Variants in ACAD8 observed in about 807,000 individuals in gnomAD.
ACAD8 encodes isobutyryl-CoA dehydrogenase, mitochondrial.
ACAD8 carries 47 observed loss-of-function variants against 53.1 expected under a neutral mutation model. That is an observed-to-expected ratio of 0.89 (90% CI 0.70 to 1.13). The LOEUF (loss-of-function observed/expected upper bound fraction) is 1.13, where lower values mean the gene tolerates loss of function less well. Among genes scored for constraint, ACAD8 ranks in the 50% most tolerant of loss-of-function variants. The pLI is 0.00. For missense variants in ACAD8, 494 were observed against 535.0 expected (o/e 0.92, Z 0.76); for synonymous variants, 198 against 201.3 (o/e 0.98, Z 0.14).
chr11:134,263,041 C>T, intron 10 of ACAD8: 3 of 1,178,640 alleles, frequency 2.5e-6, no homozygotes, highest in Non-Finnish European at 3.2e-6. Flanking sequence ...AGCCAGATGG[C>T]CTAAAAGATA....
Position 134,261,416 on chromosome 11 carries a change from C to G in ACAD8, c.939+44C>G. 2 of 1,599,446 alleles carry G rather than the reference C, an allele frequency of 1.3e-6. No homozygotes were observed. The highest frequency in any genetic ancestry group is 1.7e-6 in the Non-Finnish European group (2 of 1,166,802). On this transcript the variant is annotated intron_variant, in intron 8 of 10. Transcript: ENST00000281182. The surrounding 1 kb of genome is among the most constrained non-coding windows in gnomAD (Gnocchi z 4.2). ...CCACATGGCTTTGCACTATTTGCAG[C>G]CCGGGACCTGCTCTAGGGCCCACAT... is the stretch of plus-strand genomic sequence containing the variant.
chr11:134,262,272 G>A (rs756267511), intron 9 of ACAD8: 3 of 659,780 alleles, frequency 4.5e-6, no homozygotes, highest in Admixed American at 4.1e-5. Flanking sequence ...GCTTCTGCCT[G>A]GCAGGTAATA....
Position 134,259,165 on chromosome 11 carries a change from C to T in ACAD8, c.567+81C>T, listed in dbSNP as rs763496204. 1.5e-4 allele frequency: 182 copies of T among 1,242,056 alleles called. No individual in the cohort carries two copies. The South Asian group carries it at 1.6e-3, about 11-fold the overall frequency. The allele number at this position is 1,242,056 out of a possible 1,614,324, so 76.9% of individuals were successfully genotyped here. A position where few individuals can be genotyped will look rare whatever the true frequency, so the allele number is the denominator to read the frequency against. Reference sequence around the variant, plus strand: ...ACATCCTCTGGTTCCTTCACATCCGCGGGTTAATACTCCCATAGGATTTTT... The same window carrying T: ...ACATCCTCTGGTTCCTTCACATCCGTGGGTTAATACTCCCATAGGATTTTT... On this transcript the variant is annotated intron_variant, in intron 5 of 10. Coordinates refer to ENST00000281182, the MANE Select transcript of ACAD8 (RefSeq NM_014384.3).
At chr11:134,260,808 G>A in intron 6 of ACAD8, 1 of 555,106 alleles carries the variant, frequency 1.8e-6, no homozygotes, top group South Asian at 2.0e-5. Flanking sequence ...GGTTAGTCAG[G>A]TAGAGTAGAC....
At position 134,253,770 on chromosome 11, in the gene ACAD8, C is replaced by T. The variant is rs1282570437; in HGVS notation, c.109+61C>T. 4.1e-6 allele frequency: 6 copies of T among 1,474,250 alleles called. No homozygotes were observed. The East Asian group carries it at 1.5e-4, about 36-fold the overall frequency. The allele number at this position is 1,474,250 out of a possible 1,614,324, so 91.3% of individuals were successfully genotyped here. On this transcript the variant is annotated intron_variant, in intron 1 of 10. Coordinates refer to ENST00000281182, the MANE Select transcript of ACAD8 (RefSeq NM_014384.3). Reference sequence around the variant, plus strand: ...CAGAACCCCGGCGGACATATGTCCGCGAGGGGCTGCAGTCTCCCCGTTCCA... The same window carrying T: ...CAGAACCCCGGCGGACATATGTCCGTGAGGGGCTGCAGTCTCCCCGTTCCA...
intron 1 of ACAD8, among the ~76,000 whole-genome samples, chr11:134,254,874 C>CT: frequency 6.6e-6 from 1 of 152,328 alleles, no homozygotes; most frequent in African/African-American, 2.4e-5. Context: ...TTGAACTCTG[C>CT]TAGTAACTGG....
Position 134,262,555 on chromosome 11 carries a change from C to T in ACAD8, c.1128C>T (p.Tyr376=), listed in dbSNP as rs374692738. The stretch of plus-strand genomic sequence containing the variant: ...AGGCCTTGCAGATGCACGGGGGCTA[C>T]GGCTACCTGAAGGATTACGCTGTTC... ...CNQALQMHGG[Y]GYLKDYAVQQ... is the part of the protein sequence containing the mutation. Residue 376 remains tyrosine, a synonymous_variant, in exon 10 of 11, where the codon TAC becomes TAT. Coordinates refer to ENST00000281182, the MANE Select transcript of ACAD8 (RefSeq NM_014384.3). The T allele has an allele frequency of 4.5e-5, 73 of 1,613,856 alleles. No homozygotes were observed. The highest frequency in any genetic ancestry group is 1.6e-4 in the African/African-American group (12 of 74,926).
At chr11:134,262,381 C>T (rs912797177) in intron 9 of ACAD8, 139 bp from the exon 10 acceptor site, 2 of 679,130 alleles carry the variant, frequency 2.9e-6, no homozygotes, top group Non-Finnish European at 2.7e-6. Context: ...AATGTGGAGG[C>T]CCTCTTTGAG....
At chr11:134,262,759 C>A in intron 10 of ACAD8, 137 bp downstream of exon 10, 1 of 1,506,418 alleles carries the variant, frequency 6.6e-7, no homozygotes, top group Non-Finnish European at 8.9e-7. Context: ...CTCCTCCCTC[C>A]CGTTCCGCAG....
At chr11:134,263,561 A>T in intron 10 of ACAD8, 1 of 985,404 alleles carries the variant, frequency 1.0e-6, no homozygotes, top group Non-Finnish European at 1.2e-6. Context: ...CACAGGTTAG[A>T]CCGCTGCTTT....
chr11:134,261,091 T>C lies in ACAD8; in HGVS notation c.753T>C (p.Cys251=). 1 of 1,612,268 alleles carries C rather than the reference T, an allele frequency of 6.2e-7. No individual in the cohort carries two copies. The highest frequency in any genetic ancestry group is 8.5e-7 in the Non-Finnish European group (1 of 1,179,338). The change falls in exon 7 of 11, where the codon TGT becomes TGC. Residue 251 remains cysteine (C), a synonymous_variant. Transcript: ENST00000281182. This position sits in a 1 kb window ranked among gnomAD's most constrained non-coding sequence, Gnocchi z 4.2. ...CACGAGCTGTGATCTTCGAAGACTG[T>C]GCTGTCCCTGTGGCCAACAGAATTG... ...QPTRAVIFED[C]AVPVANRIGS...
intron 10 of ACAD8, chr11:134,263,228 T>C: frequency 1.0e-6 from 1 of 1,003,514 alleles, no homozygotes; most frequent in Non-Finnish European, 1.2e-6. Context: ...GACACGACTC[T>C]TGGAAAAGCA....
At chr11:134,262,496 C>A in intron 9 of ACAD8, 24 bp from the exon 10 acceptor site, 2 of 1,541,806 alleles carry the variant, frequency 1.3e-6, no homozygotes, top group Non-Finnish European at 1.8e-6. Context: ...GAGTCCAAGA[C>A]GTCTAGTCCC....
At chr11:134,264,866 C>G in intron 10 of ACAD8, 42 bp from the exon 11 acceptor site, 1 of 1,587,286 alleles carries the variant, frequency 6.3e-7, no homozygotes, top group Non-Finnish European at 8.7e-7. Context: ...AACTCTCAGA[C>G]TTTGCTGCTG....
chr11:134,260,237 T>A (rs1478774638), intron 6 of ACAD8: 1 of 1,075,370 alleles, frequency 9.3e-7, no homozygotes, highest in Non-Finnish European at 1.1e-6. Flanking sequence ...GTAAGATACT[T>A]CTAGGATTAA....
chr11:134,259,980 G>A, intron 6 of ACAD8: 1 of 1,372,928 alleles, frequency 7.3e-7, no homozygotes, highest in Non-Finnish European at 9.5e-7. Flanking sequence ...CCACCTGTGA[G>A]TGTTCTGACC....
At position 134,259,746 on chromosome 11, in the gene ACAD8, G is replaced by A. The variant is rs1361942498; in HGVS notation, c.705+1G>A. 1 of 1,614,194 alleles carries A rather than the reference G, an allele frequency of 6.2e-7. No homozygotes were observed. Among genetic ancestry groups the A allele is most frequent in the Non-Finnish European group, 8.5e-7 (1 of 1,180,034 alleles). On this transcript the variant is annotated splice_donor_variant, in intron 6 of 10. Coordinates refer to ENST00000281182, the MANE Select transcript of ACAD8 (RefSeq NM_014384.3). LOFTEE classifies it high-confidence loss of function. The stretch of plus-strand genomic sequence containing the variant: ...CAGCTTTGGCAAGAAGGAGAAAAAG[G>A]TGAGTGGCTGTTGGACAGGAAACAA...
rs1342330614 is a variant in ACAD8, at chr11:134,260,006, T to G, written c.705+261T>G. The stretch of plus-strand genomic sequence containing the variant: ...TGTTCTGACCTCTCCTGCCTCTGCT[T>G]TTGGCCTGTGTTCCTTATCCAGCTG... On this transcript the variant is annotated intron_variant, in intron 6 of 10. Transcript: ENST00000281182. The G allele has an allele frequency of 2.3e-6, 3 of 1,309,426 alleles. No individual in the cohort carries two copies. The Admixed American group carries it at 8.4e-5, about 37-fold the overall frequency. 81.1% of individuals were successfully genotyped at this position (1,309,426 alleles called of 1,614,324 possible).
chr11:134,262,357 C>T lies in ACAD8; in HGVS notation c.1093-163C>T, dbSNP rs1939934149. On this transcript the variant is annotated intron_variant, in intron 9 of 10. Coordinates refer to ENST00000281182, the MANE Select transcript of ACAD8 (RefSeq NM_014384.3). ...AGTTTAGTAGGTGAACTTCCCTTGT[C>T]TCTAACCATACAGAATGTGGAGGCC... is the stretch of plus-strand genomic sequence containing the variant. 1.6e-5 allele frequency: 11 copies of T among 671,802 alleles called. No individual in the cohort carries two copies. The Middle Eastern group carries it at 2.3e-3, about 141-fold the overall frequency. 41.6% of individuals were successfully genotyped at this position (671,802 alleles called of 1,614,324 possible). A position where few individuals can be genotyped will look rare whatever the true frequency, so the allele number is the denominator to read the frequency against.
Sources: gnomAD v4.1 joint callset for allele counts (sites outside exome capture counted in the v4.1 genomes callset) on GRCh38, gnomAD v4.1.1 for gene constraint, Gnocchi (gnomAD v3.1) non-coding constraint, MANE v1.5 for transcripts, NCBI Gene and HGNC (gene_info 2026-07-23, HGNC 2026-07-21) for gene names.